Variants in NPFFR2 observed in about 807,000 individuals in gnomAD.
NPFFR2 encodes the protein neuropeptide FF receptor 2.
NPFFR2 carries 15 observed loss-of-function variants against 13.1 expected under a neutral mutation model. The ratio of observed to expected loss-of-function variants is 1.15; its 90% CI spans 0.77 to 1.76. The LOEUF (loss-of-function observed/expected upper bound fraction) is 1.76. Ranked by LOEUF, NPFFR2 falls within the 40% of genes most tolerant of loss-of-function variation. The pLI is 0.00. For missense variants in NPFFR2, 572 were observed against 503.5 expected (o/e 1.14, Z -1.30); for synonymous variants, 190 against 175.7 (o/e 1.08, Z -0.65).
At chr4:72,054,949 T>C (rs1389667150) in intron 1 of NPFFR2, among the ~76,000 whole-genome samples, 3 of 151,836 alleles carry the variant, frequency 2.0e-5, no homozygotes, top group Non-Finnish European at 4.4e-5. Context: ...GTAGCAAAAA[T>C]TAGTTCTTAG....
chr4:72,056,196 A>T (rs4511969), intron 1 of NPFFR2, among the ~76,000 whole-genome samples: 135,495 of 151,996 alleles, frequency 0.89, 61,500 homozygotes, highest in Non-Finnish European at 0.98. Flanking sequence ...ACCTCAAAGG[A>T]CAGCCTGATA....
chr4:72,144,961 A>G (rs1722731572), intron 3 of NPFFR2, among the ~76,000 whole-genome samples: 1 of 152,202 alleles, frequency 6.6e-6, no homozygotes, highest in African/African-American at 2.4e-5. Flanking sequence ...TTCTTCTCAT[A>G]GCAGCCCAAA....
At chr4:72,040,425 T>A (rs576393316) in intron 1 of NPFFR2, among the ~76,000 whole-genome samples, 1 of 152,166 alleles carries the variant, frequency 6.6e-6, no homozygotes, top group South Asian at 2.1e-4. Flanking sequence ...TTTGTCATAT[T>A]TTAAAATCTC....
At position 72,032,549 on chromosome 4, in the gene NPFFR2, G is replaced by A. The variant is rs188237772; in HGVS notation, c.-8+349G>A. Among the ~76,000 whole-genome samples, 596 of 152,316 alleles carry A rather than the reference G, an allele frequency of 3.9e-3. 3 individuals are homozygous for A. The highest frequency in any genetic ancestry group is 0.01 in the Middle Eastern group (3 of 294). On this transcript the variant is annotated intron_variant, in intron 1 of 3. Coordinates refer to ENST00000308744, the MANE Select transcript of NPFFR2 (RefSeq NM_004885.3). ...AATTTCCTTAGCGGGTCTGAAGCTA[G>A]CGAGTTTCTAAACTGTTTTTATCCG...
intron 1 of NPFFR2, among the ~76,000 whole-genome samples, chr4:72,076,558 A>G (rs1366889499): frequency 3.3e-5 from 5 of 152,174 alleles, no homozygotes; most frequent in Non-Finnish European, 7.4e-5. Flanking sequence ...CCATCAGCAA[A>G]TGATCTTAGC....
At chr4:72,045,208 A>G (rs1396536956) in intron 1 of NPFFR2, among the ~76,000 whole-genome samples, 1 of 152,104 alleles carries the variant, frequency 6.6e-6, no homozygotes, top group African/African-American at 2.4e-5. Flanking sequence ...AGTATCTGAT[A>G]TACTGATTTT....
intron 2 of NPFFR2, among the ~76,000 whole-genome samples, chr4:72,134,930 G>A (rs1256002692): frequency 6.6e-6 from 1 of 151,538 alleles, no homozygotes; most frequent in Non-Finnish European, 1.5e-5. Flanking sequence ...TCTTTTTTTG[G>A]TTTATTCCTT....
intron 1 of NPFFR2, among the ~76,000 whole-genome samples, chr4:72,040,927 A>AAAATATAT (rs370151375): frequency 1.4e-5 from 2 of 146,804 alleles, no homozygotes; most frequent in East Asian, 2.0e-4. Flanking sequence ...ACTGCTGTAA[A>AAAATATAT]ATATATATAT....
intron 1 of NPFFR2, among the ~76,000 whole-genome samples, chr4:72,093,300 A>G (rs1720963831): frequency 6.6e-6 from 1 of 152,168 alleles, no homozygotes; most frequent in Admixed American, 6.5e-5. Flanking sequence ...CCTGATGACT[A>G]GGTGGTGAAG....
chr4:72,119,454 G>T (rs1050455193), intron 1 of NPFFR2, among the ~76,000 whole-genome samples: 2 of 152,212 alleles, frequency 1.3e-5, no homozygotes, highest in East Asian at 1.9e-4. Flanking sequence ...TTGAAATATT[G>T]AAATAAGCAT....
intron 1 of NPFFR2, among the ~76,000 whole-genome samples, chr4:72,124,748 C>G (rs937300556): frequency 6.6e-6 from 1 of 152,120 alleles, no homozygotes; most frequent in Non-Finnish European, 1.5e-5. Context: ...TGGACCCCTT[C>G]CTTACACCTT....
intron 1 of NPFFR2, among the ~76,000 whole-genome samples, chr4:72,119,522 C>T (rs1243780337): frequency 6.7e-6 from 1 of 149,532 alleles, no homozygotes; most frequent in African/African-American, 2.5e-5. Context: ...TGGTCTGCAG[C>T]TCCCAGCGAG....
intron 2 of NPFFR2, among the ~76,000 whole-genome samples, chr4:72,136,088 G>C (rs1397796067): frequency 1.3e-5 from 2 of 152,096 alleles, no homozygotes; most frequent in African/African-American, 4.8e-5. Flanking sequence ...AGGTGCAGTG[G>C]CTCATGCCTG....
chr4:72,138,244 T>C (rs1722480286), intron 3 of NPFFR2, 105 bp downstream of exon 3: 2 of 697,908 alleles, frequency 2.9e-6, no homozygotes, highest in Non-Finnish European at 5.0e-6. Flanking sequence ...TTTCAAATTG[T>C]ATTCACAATA....
intron 2 of NPFFR2, among the ~76,000 whole-genome samples, chr4:72,135,363 C>T (rs958280461): frequency 1.3e-5 from 2 of 151,792 alleles, no homozygotes; most frequent in African/African-American, 4.8e-5. Context: ...GTTTTTCTTT[C>T]TTCTACTCAT....
At chr4:72,110,177 G>T (rs981487286) in intron 1 of NPFFR2, among the ~76,000 whole-genome samples, 40 of 151,932 alleles carry the variant, frequency 2.6e-4, no homozygotes, top group African/African-American at 8.5e-4. Context: ...CTGCTCTCAT[G>T]ATAGAGAGTA....
Position 72,128,677 on chromosome 4 carries a change from A to G in NPFFR2, c.86A>G (p.Asp29Gly). 6.2e-7 allele frequency: 1 copy of G among 1,613,758 alleles called. No homozygotes were observed. The highest frequency in any genetic ancestry group is 1.3e-5 in the African/African-American group (1 of 75,056). The change falls in exon 2 of 4, where the codon GAT becomes GGT. Residue 29 changes from aspartate to glycine, a missense_variant. Asp to Gly is a moderately conservative substitution (Grantham distance 94, BLOSUM62 -1). Coordinates refer to ENST00000308744, the MANE Select transcript of NPFFR2 (RefSeq NM_004885.3). ...GACACAAAGCATCATCTGTACTCAGATATTAATATTACCTATGTGAACTAC... is the reference window on the plus strand; with the variant it reads ...GACACAAAGCATCATCTGTACTCAGGTATTAATATTACCTATGTGAACTAC... ...VNDTKHHLYS[D>G]INITYVNYYL...
intron 1 of NPFFR2, among the ~76,000 whole-genome samples, chr4:72,071,346 T>C (rs1168062938): frequency 6.6e-6 from 1 of 152,124 alleles, no homozygotes; most frequent in African/African-American, 2.4e-5. Flanking sequence ...ACTTTATTGA[T>C]TTTTGAGTAT....
intron 3 of NPFFR2, 152 bp from the exon 4 acceptor site, chr4:72,146,826 A>T (rs566736908): frequency 1.6e-6 from 1 of 607,708 alleles, no homozygotes; most frequent in East Asian, 2.7e-5. Context: ...ACAGAAAATG[A>T]CAATGCATGC....
Sources: allele counts gnomAD v4.1 joint callset (sites outside exome capture counted in the v4.1 genomes callset), GRCh38; gene constraint gnomAD v4.1.1; transcripts MANE v1.5; gene names NCBI Gene and HGNC (gene_info 2026-07-23, HGNC 2026-07-21).